Variants in CSMD1 observed in about 807,000 individuals in gnomAD.
CSMD1 encodes CUB and Sushi multiple domains 1.
A neutral mutation model predicts 417.5 loss-of-function variants in CSMD1; 213 were observed. The ratio of observed to expected loss-of-function variants is 0.51; its 90% confidence interval spans 0.46 to 0.57. The LOEUF (loss-of-function observed/expected upper bound fraction) is 0.57, where lower values mean the gene tolerates loss of function less well. Ranked by LOEUF, CSMD1 falls within the 20% of genes least tolerant of loss-of-function variation. The pLI is 0.00. For synonymous variants in CSMD1, 2,862 were observed against 1,736.8 expected (o/e 1.65, Z -16.11); for missense variants, 6,923 against 4,529.7 (o/e 1.53, Z -15.17).
At chr8:3,959,091 G>C (rs535097349) in intron 5 of CSMD1, among the ~76,000 whole-genome samples, 16 of 152,072 alleles carry the variant, frequency 1.1e-4, no homozygotes, top group Non-Finnish European at 2.1e-4. Flanking sequence ...TCTTAACAAC[G>C]CCTCTGTCAC....
At chr8:4,522,955 G>A (rs1003584711) in intron 2 of CSMD1, among the ~76,000 whole-genome samples, 2 of 152,206 alleles carry the variant, frequency 1.3e-5, no homozygotes, top group East Asian at 1.9e-4. Flanking sequence ...GGAAGAACCT[G>A]GAAATGGAAA....
intron 5 of CSMD1, among the ~76,000 whole-genome samples, chr8:3,771,237 T>G (rs1014318299): frequency 4.5e-4 from 68 of 152,144 alleles, no homozygotes; most frequent in African/African-American, 1.5e-3. Context: ...TGAAATCGTG[T>G]TTGGCTCCGT....
At chr8:3,092,133 A>G (rs1177850835) in intron 47 of CSMD1, among the ~76,000 whole-genome samples, 1 of 152,186 alleles carries the variant, frequency 6.6e-6, no homozygotes, top group African/African-American at 2.4e-5. Context: ...TTATTTATAT[A>G]GTGAACATGT....
At position 4,479,345 on chromosome 8, in the gene CSMD1, C is replaced by T. The variant is rs566589645; in HGVS notation, c.303-59280G>A. On this transcript the variant is annotated intron_variant, in intron 2 of 69. Coordinates refer to ENST00000635120, the MANE Select transcript of CSMD1 (RefSeq NM_033225.6). ...GGAATTTTATACAGTTGAACAGCTGCACTTTACCACATATGTCCGGTTACA... is the reference window on the plus strand; with the variant it reads ...GGAATTTTATACAGTTGAACAGCTGTACTTTACCACATATGTCCGGTTACA... Among the ~76,000 whole-genome samples, 48 of 152,230 alleles carry T rather than the reference C, an allele frequency of 3.2e-4. No homozygotes were observed. In the South Asian group the frequency reaches 1.0e-2, roughly 32 times the overall value.
At chr8:4,682,739 C>A (rs1439633375) in intron 1 of CSMD1, among the ~76,000 whole-genome samples, 1 of 151,532 alleles carries the variant, frequency 6.6e-6, no homozygotes, top group East Asian at 1.9e-4. Context: ...TATTACGTTG[C>A]TGTCTTAGCT....
intron 7 of CSMD1, among the ~76,000 whole-genome samples, chr8:3,625,954 A>G (rs1257328185): frequency 1.3e-5 from 2 of 152,230 alleles, no homozygotes; most frequent in African/African-American, 4.8e-5. Flanking sequence ...TAAAGCTTCA[A>G]ATTAAGCCAA....
intron 18 of CSMD1, 120 bp downstream of exon 18, chr8:3,387,374 G>A: frequency 1.4e-6 from 1 of 727,390 alleles, no homozygotes; most frequent in African/African-American, 1.8e-5. Flanking sequence ...ACTTCTCAGA[G>A]GGAACTCACG....
At chr8:4,013,349 C>T (rs535375009) in intron 4 of CSMD1, among the ~76,000 whole-genome samples, 7 of 152,136 alleles carry the variant, frequency 4.6e-5, no homozygotes, top group African/African-American at 1.7e-4. Flanking sequence ...GGCCAAACAC[C>T]TGGTTGATCC....
intron 49 of CSMD1, among the ~76,000 whole-genome samples, chr8:3,054,085 T>C (rs1317917978): frequency 3.3e-5 from 5 of 152,234 alleles, no homozygotes; most frequent in African/African-American, 9.6e-5. Flanking sequence ...GCAAATCTTA[T>C]GACTCCCAAA....
intron 49 of CSMD1, among the ~76,000 whole-genome samples, chr8:3,076,398 T>C (rs1311922021): frequency 1.4e-5 from 1 of 73,146 alleles, no homozygotes; most frequent in Non-Finnish European, 2.9e-5. Context: ...AGAAAGACCC[T>C]GTCTCCAAAT....
intron 5 of CSMD1, among the ~76,000 whole-genome samples, chr8:3,898,963 AC>A (rs1214741844): frequency 1.3e-5 from 2 of 152,224 alleles, no homozygotes; most frequent in Non-Finnish European, 2.9e-5. Context: ...AAAATAAAAA[AC>A]AAATGGGACC....
intron 3 of CSMD1, among the ~76,000 whole-genome samples, chr8:4,160,770 A>G (rs1339221873): frequency 6.6e-6 from 1 of 152,232 alleles, no homozygotes; most frequent in Non-Finnish European, 1.5e-5. Context: ...TCACACTTGG[A>G]TGAAAGCATC....
intron 3 of CSMD1, among the ~76,000 whole-genome samples, chr8:4,286,650 AAG>A (rs954129699): frequency 6.6e-6 from 1 of 152,168 alleles, no homozygotes; most frequent in African/African-American, 2.4e-5. Context: ...TCCTCCAAGA[AAG>A]GGGATAGCAA....
At chr8:4,647,244 T>C (rs1398979495) in intron 1 of CSMD1, among the ~76,000 whole-genome samples, 5 of 151,986 alleles carry the variant, frequency 3.3e-5, no homozygotes, top group Admixed American at 3.3e-4. Flanking sequence ...TATTTTTTTT[T>C]TTTTTTAATT....
chr8:4,034,215 T>C (rs995740240), intron 3 of CSMD1, among the ~76,000 whole-genome samples: 1 of 151,594 alleles, frequency 6.6e-6, no homozygotes, highest in African/African-American at 2.4e-5. Context: ...TTTTTATTTA[T>C]CATGATATTA....
rs138640321 is a variant in CSMD1, at chr8:4,495,176, C to T, written c.303-75111G>A. 2.0e-5 allele frequency among the ~76,000 whole-genome samples: 3 copies of T among 152,220 alleles called. No individual in the cohort carries two copies. In the East Asian group the frequency reaches 5.8e-4, roughly 29 times the overall value. Reference sequence around the variant, plus strand: ...GAACCGGGACTTCCATTATACTTAGCATTACCCAGAATTTCATGAGAAATC... The same window carrying T: ...GAACCGGGACTTCCATTATACTTAGTATTACCCAGAATTTCATGAGAAATC... On this transcript the variant is annotated intron_variant, in intron 2 of 69. Transcript: ENST00000635120.
At chr8:4,596,427 C>G (rs916703882) in intron 2 of CSMD1, among the ~76,000 whole-genome samples, 1 of 152,046 alleles carries the variant, frequency 6.6e-6, no homozygotes, top group Non-Finnish European at 1.5e-5. Context: ...CATTTCTAAA[C>G]AAATATAGCA....
chr8:4,757,902 G>A (rs191318322), intron 1 of CSMD1, among the ~76,000 whole-genome samples: 12 of 150,342 alleles, frequency 8.0e-5, no homozygotes, highest in Middle Eastern at 3.4e-3. Flanking sequence ...GCGGTTGAAG[G>A]GAGCCGACAT....
chr8:4,150,682 G>A (rs968531515), intron 3 of CSMD1, among the ~76,000 whole-genome samples: 3 of 152,150 alleles, frequency 2.0e-5, no homozygotes, highest in Non-Finnish European at 4.4e-5. Context: ...GGAGTGTTTA[G>A]CATTTGGTTT....
Sources: allele counts gnomAD v4.1 joint callset (sites outside exome capture counted in the v4.1 genomes callset), GRCh38; gene constraint gnomAD v4.1.1; transcripts MANE v1.5; gene names NCBI Gene and HGNC (gene_info 2026-07-23, HGNC 2026-07-21).